The following MMP16 variants were observed in gnomAD, a reference collection of about 807,000 sequenced individuals.
MMP16 encodes the protein matrix metallopeptidase 16, also known as matrix metalloproteinase-16.
A neutral mutation model predicts 67.8 loss-of-function variants in MMP16; 12 were observed. That is an observed-to-expected ratio of 0.18 (90% CI 0.11 to 0.29). The LOEUF (loss-of-function observed/expected upper bound fraction) is 0.29. MMP16 is among the 10% of genes least tolerant of loss of function. The pLI, the probability that MMP16 is intolerant of heterozygous loss-of-function variation, is 1.00. For synonymous variants in MMP16, 249 were observed against 255.9 expected (o/e 0.97, Z 0.26); for missense variants, 475 against 765.7 (o/e 0.62, Z 4.48).
At chr8:88,146,582 C>T (rs1458972101) in intron 4 of MMP16, among the ~76,000 whole-genome samples, 1 of 151,902 alleles carries the variant, frequency 6.6e-6, no homozygotes, top group East Asian at 1.9e-4. Context: ...TAAAATTCAT[C>T]TAGATTGTTG....
chr8:88,278,716 T>A (rs990622066), intron 1 of MMP16, among the ~76,000 whole-genome samples: 8 of 152,270 alleles, frequency 5.3e-5, no homozygotes, highest in Admixed American at 3.9e-4. Flanking sequence ...TTTTTGTAAT[T>A]TGATGGAAAC....
intron 1 of MMP16, among the ~76,000 whole-genome samples, chr8:88,300,952 CA>C (rs978295042): frequency 7.2e-5 from 11 of 152,154 alleles, no homozygotes; most frequent in African/African-American, 2.4e-4. Context: ...AATAGGAAGA[CA>C]AAGTTTATAA....
chr8:88,194,949 A>ATG (rs1809227025), intron 2 of MMP16, among the ~76,000 whole-genome samples: 1 of 152,100 alleles, frequency 6.6e-6, no homozygotes, highest in Non-Finnish European at 1.5e-5. Flanking sequence ...TTTCTCTATA[A>ATG]TGCCCTATCA....
chr8:88,260,987 T>C (rs753186769), intron 1 of MMP16, among the ~76,000 whole-genome samples: 72 of 152,174 alleles, frequency 4.7e-4, no homozygotes, highest in Admixed American at 2.2e-3. Context: ...AAATGCACTT[T>C]AACAAGTATC....
At chr8:88,201,144 C>CAAAAAAAAAAAAAAAAA in intron 1 of MMP16, among the ~76,000 whole-genome samples, 1 of 109,410 alleles carries the variant, frequency 9.1e-6, no homozygotes, top group Non-Finnish European at 1.9e-5. Context: ...TTTCCCCCCC[C>CAAAAAAAAAAAAAAAAA]AAAAAAAAAA....
At chr8:88,268,018 T>C (rs1041962554) in intron 1 of MMP16, among the ~76,000 whole-genome samples, 3 of 152,218 alleles carry the variant, frequency 2.0e-5, no homozygotes, top group South Asian at 2.1e-4. Context: ...CCAACTGTAC[T>C]GGGATCTCCA....
intron 1 of MMP16, among the ~76,000 whole-genome samples, chr8:88,256,612 T>A (rs930642721): frequency 1.3e-5 from 2 of 151,904 alleles, no homozygotes; most frequent in African/African-American, 4.8e-5. Flanking sequence ...TTTGTCACCA[T>A]CTTGCTATCT....
chr8:88,194,510 A>G (rs1247080211), intron 2 of MMP16, among the ~76,000 whole-genome samples: 1 of 152,114 alleles, frequency 6.6e-6, no homozygotes, highest in Non-Finnish European at 1.5e-5. Context: ...GATGGGGATT[A>G]TACTTCCAAA....
intron 6 of MMP16, among the ~76,000 whole-genome samples, chr8:88,108,443 TA>T (rs1809279988): frequency 6.6e-6 from 1 of 151,266 alleles, no homozygotes; most frequent in African/African-American, 2.4e-5. Flanking sequence ...CCAGCCATAG[TA>T]AGGACACTAA....
At chr8:88,072,932 C>T (rs1050418417) in intron 7 of MMP16, among the ~76,000 whole-genome samples, 2 of 152,098 alleles carry the variant, frequency 1.3e-5, no homozygotes, top group African/African-American at 2.4e-5. Context: ...GCTAGCCATG[C>T]CACAAGAGAG....
chr8:88,129,795 G>A (rs1807996633), intron 4 of MMP16, among the ~76,000 whole-genome samples: 1 of 151,020 alleles, frequency 6.6e-6, no homozygotes, highest in Admixed American at 6.6e-5. Context: ...TTTTAGAGTA[G>A]GTTTCACATA....
intron 4 of MMP16, among the ~76,000 whole-genome samples, chr8:88,126,105 C>A (rs949127813): frequency 2.0e-5 from 3 of 151,746 alleles, no homozygotes; most frequent in Admixed American, 6.6e-5. Flanking sequence ...ATGACAAAAA[C>A]TCTTTTAAAA....
chr8:88,068,640 G>A (rs139847562), intron 7 of MMP16, among the ~76,000 whole-genome samples: 142 of 152,128 alleles, frequency 9.3e-4, no homozygotes, highest in African/African-American at 3.2e-3. Context: ...GTCCATATAT[G>A]TTTTGAGTCT....
chr8:88,149,730 C>T (rs1808367758), intron 4 of MMP16, among the ~76,000 whole-genome samples: 1 of 151,880 alleles, frequency 6.6e-6, no homozygotes, highest in Non-Finnish European at 1.5e-5. Flanking sequence ...TCATCAAAGA[C>T]CAAAAGTAGA....
At chr8:88,194,155 C>T (rs1281836393) in intron 2 of MMP16, among the ~76,000 whole-genome samples, 1 of 151,870 alleles carries the variant, frequency 6.6e-6, no homozygotes, top group Non-Finnish European at 1.5e-5. Flanking sequence ...ATAGGGATTA[C>T]TGCAATTGTC....
intron 1 of MMP16, among the ~76,000 whole-genome samples, chr8:88,298,643 GT>G (rs1563588261): frequency 6.6e-6 from 1 of 152,154 alleles, no homozygotes; most frequent in Non-Finnish European, 1.5e-5. Context: ...CTTCCTCCTG[GT>G]GATTCATCTG....
At chr8:88,122,885 A>C (rs979409864) in intron 4 of MMP16, among the ~76,000 whole-genome samples, 6 of 149,188 alleles carry the variant, frequency 4.0e-5, no homozygotes, top group Admixed American at 6.7e-5. Context: ...CTTCCATCTT[A>C]TCTCTCTCTC....
chr8:88,148,187 T>C (rs965929909), intron 4 of MMP16, among the ~76,000 whole-genome samples: 5 of 152,162 alleles, frequency 3.3e-5, no homozygotes. Flanking sequence ...TTCCTTTTCA[T>C]AGTCACTTGA....
intron 6 of MMP16, among the ~76,000 whole-genome samples, chr8:88,076,001 C>T (rs1808644657): frequency 6.8e-6 from 1 of 146,842 alleles, no homozygotes; most frequent in Non-Finnish European, 1.5e-5. Context: ...TCTTGGACTT[C>T]AGTTAATATG....
Sources: gnomAD v4.1 joint callset for allele counts (sites outside exome capture counted in the v4.1 genomes callset) on GRCh38, gnomAD v4.1.1 for gene constraint, MANE v1.5 for transcripts, NCBI Gene and HGNC (gene_info 2026-07-23, HGNC 2026-07-21) for gene names.